ZFHX3: variants seen among roughly 807,000 people sequenced by gnomAD.
The protein encoded by ZFHX3 is zinc finger homeobox protein 3.
A neutral mutation model predicts 279.1 loss-of-function variants in ZFHX3; 42 were observed. The observed-to-expected ratio is 0.15, with a 90% confidence interval of 0.12 to 0.19. The LOEUF is 0.19. Among genes scored for constraint, ZFHX3 ranks in the 10% least tolerant of loss-of-function variants. The pLI is 1.00. For synonymous variants in ZFHX3, 2,293 were observed against 1,957.8 expected (o/e 1.17, Z -4.52); for missense variants, 4,981 against 4,754.0 (o/e 1.05, Z -1.40).
intron 2 of ZFHX3, among the ~76,000 whole-genome samples, chr16:73,586,893 TA>T (rs2051932923): frequency 6.6e-6 from 1 of 152,236 alleles, no homozygotes; most frequent in Non-Finnish European, 1.5e-5. Context: ...TTAGCATTTT[TA>T]ATAGAATTCT....
intron 8 of ZFHX3, among the ~76,000 whole-genome samples, chr16:73,073,177 G>A (rs927020666): frequency 6.6e-6 from 1 of 151,786 alleles, no homozygotes; most frequent in South Asian, 2.1e-4. Context: ...GATTACAGGC[G>A]TGAGCTACCG....
chr16:73,735,570 G>A (rs1488891253), intron 1 of ZFHX3, among the ~76,000 whole-genome samples: 1 of 151,998 alleles, frequency 6.6e-6, no homozygotes, highest in African/African-American at 2.4e-5. Context: ...GAAATAACCT[G>A]GTTTGCAACA....
intron 4 of ZFHX3, among the ~76,000 whole-genome samples, chr16:73,288,099 A>G (rs2143088309): frequency 6.7e-6 from 1 of 149,698 alleles, no homozygotes; most frequent in African/African-American, 2.4e-5. Context: ...TAGCCGTTCC[A>G]TCTCAGCAGG....
intron 4 of ZFHX3, among the ~76,000 whole-genome samples, chr16:72,877,476 T>C (rs1302110868): frequency 3.9e-5 from 6 of 152,178 alleles, no homozygotes; most frequent in Non-Finnish European, 8.8e-5. Context: ...TGACCACGCA[T>C]CAGAGTGTCC....
intron 3 of ZFHX3, among the ~76,000 whole-genome samples, chr16:72,896,555 T>C (rs890044515): frequency 2.6e-5 from 4 of 152,182 alleles, no homozygotes; most frequent in Non-Finnish European, 4.4e-5. Context: ...TTCTACCCCA[T>C]TAGTATGTTG....
chr16:73,251,459 A>G (rs1383165856), intron 5 of ZFHX3, among the ~76,000 whole-genome samples: 1 of 152,216 alleles, frequency 6.6e-6, no homozygotes, highest in African/African-American at 2.4e-5. Context: ...CCCATGGCAT[A>G]TGCACAATTA....
intron 1 of ZFHX3, among the ~76,000 whole-genome samples, chr16:73,688,415 G>A (rs1455879441): frequency 1.3e-5 from 2 of 151,508 alleles, no homozygotes; most frequent in Admixed American, 6.6e-5. Flanking sequence ...GTATTAAGAG[G>A]TGGAGCCATT....
chr16:73,684,848 G>C (rs967215626), intron 1 of ZFHX3, among the ~76,000 whole-genome samples: 1 of 151,278 alleles, frequency 6.6e-6, no homozygotes, highest in Admixed American at 6.6e-5. Context: ...TTACAGGCAC[G>C]CACCACCACA....
At chr16:73,831,521 C>G (rs1267299913) in intron 1 of ZFHX3, among the ~76,000 whole-genome samples, 1 of 152,152 alleles carries the variant, frequency 6.6e-6, no homozygotes, top group Non-Finnish European at 1.5e-5. Flanking sequence ...CTACACGACG[C>G]CTATTAACAT....
intron 1 of ZFHX3, among the ~76,000 whole-genome samples, chr16:73,769,021 G>A (rs2053986486): frequency 6.6e-6 from 1 of 151,986 alleles, no homozygotes; most frequent in African/African-American, 2.4e-5. Flanking sequence ...TGCCATATTT[G>A]GGGCATGTAC....
At chr16:73,120,389 C>A (rs1469006958) in intron 7 of ZFHX3, among the ~76,000 whole-genome samples, 1 of 152,052 alleles carries the variant, frequency 6.6e-6, no homozygotes, top group Non-Finnish European at 1.5e-5. Context: ...CTTCAGCCTC[C>A]TGAGTAGCTG....
intron 1 of ZFHX3, among the ~76,000 whole-genome samples, chr16:73,765,256 T>C (rs890059206): frequency 6.6e-6 from 1 of 152,216 alleles, no homozygotes; most frequent in Non-Finnish European, 1.5e-5. Context: ...AGACAGATTC[T>C]CTAGAGCAAA....
At chr16:72,971,213 C>T (rs757935105) in intron 1 of ZFHX3, among the ~76,000 whole-genome samples, 1 of 152,170 alleles carries the variant, frequency 6.6e-6, no homozygotes, top group Non-Finnish European at 1.5e-5. Flanking sequence ...ATACACATTG[C>T]ATAATTTCCA....
At chr16:72,824,859 T>G (rs930540178) in intron 5 of ZFHX3, among the ~76,000 whole-genome samples, 1 of 152,210 alleles carries the variant, frequency 6.6e-6, no homozygotes, top group African/African-American at 2.4e-5. Flanking sequence ...TCAAATCTAT[T>G]CTGGTAAAAG....
chr16:73,041,137 T>C (rs1438322930), intron 1 of ZFHX3, among the ~76,000 whole-genome samples: 4 of 152,206 alleles, frequency 2.6e-5, no homozygotes, highest in Non-Finnish European at 5.9e-5. Flanking sequence ...CCCTGTTTTA[T>C]TCTGTAATTA....
At chr16:73,482,441 C>T (rs2018885908) in intron 2 of ZFHX3, among the ~76,000 whole-genome samples, 1 of 152,088 alleles carries the variant, frequency 6.6e-6, no homozygotes, top group Non-Finnish European at 1.5e-5. Flanking sequence ...TTTTGCAGGG[C>T]TGACCACCGC....
chr16:73,215,788 G>A (rs1333798821), intron 5 of ZFHX3, among the ~76,000 whole-genome samples: 1 of 152,162 alleles, frequency 6.6e-6, no homozygotes, highest in East Asian at 1.9e-4. Flanking sequence ...ATTAAAGGTG[G>A]AACTTATTTC....
At chr16:73,506,783 A>G (rs988178330) in intron 2 of ZFHX3, among the ~76,000 whole-genome samples, 1 of 152,182 alleles carries the variant, frequency 6.6e-6, no homozygotes, top group Non-Finnish European at 1.5e-5. Flanking sequence ...ATGACAGGAG[A>G]CAGCAGGTTG....
chr16:73,390,967 A>G (rs1326370397), intron 3 of ZFHX3, among the ~76,000 whole-genome samples: 2 of 151,816 alleles, frequency 1.3e-5, no homozygotes, highest in East Asian at 1.9e-4. Context: ...ATAGTGTCAC[A>G]TGCCCAGAAG....
Sources: allele counts gnomAD v4.1 joint callset (sites outside exome capture counted in the v4.1 genomes callset), GRCh38; gene constraint gnomAD v4.1.1; transcripts MANE v1.5; gene names NCBI Gene and HGNC (gene_info 2026-07-23, HGNC 2026-07-21).